GRIA4: variants seen among roughly 807,000 people sequenced by gnomAD.
The protein encoded by GRIA4 is glutamate ionotropic receptor AMPA type subunit 4, also known as glutamate receptor 4.
A neutral mutation model predicts 104.0 loss-of-function variants in GRIA4; 34 were observed. The observed-to-expected ratio is 0.33, with a 90% CI of 0.25 to 0.44. The LOEUF (loss-of-function observed/expected upper bound fraction) is 0.44. Ranked by LOEUF, GRIA4 falls within the 20% of genes least tolerant of loss-of-function variation. The pLI, the probability that GRIA4 is intolerant of heterozygous loss-of-function variation, is 1.00. For synonymous variants in GRIA4, 386 were observed against 381.9 expected (o/e 1.01, Z -0.13); for missense variants, 750 against 1,096.5 (o/e 0.68, Z 4.46).
intron 4 of GRIA4, among the ~76,000 whole-genome samples, chr11:105,831,509 C>T (rs918487434): frequency 2.0e-5 from 3 of 152,004 alleles, no homozygotes; most frequent in African/African-American, 7.2e-5. Flanking sequence ...ACACACAACA[C>T]TCATTTGTAT....
intron 4 of GRIA4, among the ~76,000 whole-genome samples, chr11:105,832,280 T>C (rs1944004249): frequency 6.6e-6 from 1 of 151,928 alleles, no homozygotes; most frequent in African/African-American, 2.4e-5. Context: ...CAAAGATGTC[T>C]GCTTAACACA....
At chr11:105,823,582 T>C (rs1943655455) in intron 4 of GRIA4, among the ~76,000 whole-genome samples, 1 of 152,090 alleles carries the variant, frequency 6.6e-6, no homozygotes, top group Admixed American at 6.6e-5. Context: ...GTTACTGCTA[T>C]CTTATCTGAA....
intron 3 of GRIA4, among the ~76,000 whole-genome samples, chr11:105,697,358 T>C (rs1377804298): frequency 2.6e-5 from 4 of 152,058 alleles, no homozygotes; most frequent in Non-Finnish European, 5.9e-5. Flanking sequence ...TGCCTACAAC[T>C]TTAGGACTCT....
intron 15 of GRIA4, among the ~76,000 whole-genome samples, chr11:105,973,615 T>C (rs1858813828): frequency 6.6e-6 from 1 of 152,098 alleles, no homozygotes; most frequent in Non-Finnish European, 1.5e-5. Flanking sequence ...TAATAATTTA[T>C]ATATTTTTTA....
intron 3 of GRIA4, among the ~76,000 whole-genome samples, chr11:105,631,334 A>G (rs765474918): frequency 2.0e-5 from 3 of 152,232 alleles, no homozygotes; most frequent in Non-Finnish European, 4.4e-5. Flanking sequence ...AGATAACAGA[A>G]GAAAGAAAAA....
intron 3 of GRIA4, among the ~76,000 whole-genome samples, chr11:105,622,532 C>T (rs913969296): frequency 1.3e-5 from 2 of 151,706 alleles, no homozygotes; most frequent in Admixed American, 1.3e-4. Flanking sequence ...TTCTGATAGT[C>T]TTGCTTCTTC....
At chr11:105,715,413 G>GT (rs1326652113) in intron 3 of GRIA4, among the ~76,000 whole-genome samples, 1 of 152,078 alleles carries the variant, frequency 6.6e-6, no homozygotes, top group African/African-American at 2.4e-5. Context: ...ATAAAATTAT[G>GT]TAACTGTCTA....
At chr11:105,677,250 C>T (rs1272741946) in intron 3 of GRIA4, among the ~76,000 whole-genome samples, 1 of 151,844 alleles carries the variant, frequency 6.6e-6, no homozygotes, top group Non-Finnish European at 1.5e-5. Flanking sequence ...ATCTCTCTGA[C>T]TCTGTTTTGC....
At chr11:105,696,130 A>C (rs989136395) in intron 3 of GRIA4, among the ~76,000 whole-genome samples, 3 of 152,154 alleles carry the variant, frequency 2.0e-5, no homozygotes, top group Non-Finnish European at 4.4e-5. Flanking sequence ...CACCCACCAT[A>C]TCTGCCCACC....
chr11:105,789,589 GTGCCCTGTGACCATGAGCAGCTC>G (rs1204779591), intron 4 of GRIA4, among the ~76,000 whole-genome samples: 1 of 152,040 alleles, frequency 6.6e-6, no homozygotes, highest in Non-Finnish European at 1.5e-5. Context: ...TTTAATTAAA[GTGCCCTGTGACCATGAGCAGCTC>G]TACCTCTTTA....
At chr11:105,935,682 T>A (rs1394111401) in intron 14 of GRIA4, among the ~76,000 whole-genome samples, 1 of 152,174 alleles carries the variant, frequency 6.6e-6, no homozygotes, top group Non-Finnish European at 1.5e-5. Flanking sequence ...TAATTAATTC[T>A]CTGTGGATAT....
chr11:105,753,423 C>T (rs1248548683), intron 4 of GRIA4, among the ~76,000 whole-genome samples: 1 of 152,116 alleles, frequency 6.6e-6, no homozygotes, highest in Non-Finnish European at 1.5e-5. Flanking sequence ...CCTGAGCAAA[C>T]CATGCTCTGT....
At chr11:105,905,694 T>C (rs550709554) in intron 9 of GRIA4, among the ~76,000 whole-genome samples, 5 of 152,278 alleles carry the variant, frequency 3.3e-5, no homozygotes, top group African/African-American at 1.2e-4. Flanking sequence ...CTACTTCTAA[T>C]GGGTGAACAT....
chr11:105,617,301 C>T (rs1422417664), intron 3 of GRIA4, among the ~76,000 whole-genome samples: 2 of 150,648 alleles, frequency 1.3e-5, no homozygotes, highest in East Asian at 3.9e-4. Flanking sequence ...TTTATTTAAC[C>T]TCAAGCTAAT....
intron 4 of GRIA4, among the ~76,000 whole-genome samples, chr11:105,777,303 T>A (rs1250663858): frequency 6.6e-6 from 1 of 152,134 alleles, no homozygotes; most frequent in Non-Finnish European, 1.5e-5. Context: ...TCCTTCAAAG[T>A]GGATGATTTT....
intron 11 of GRIA4, among the ~76,000 whole-genome samples, chr11:105,921,999 A>T (rs991913998): frequency 6.6e-6 from 1 of 152,164 alleles, no homozygotes; most frequent in Non-Finnish European, 1.5e-5. Context: ...AACAAAATTT[A>T]AAACCTATGT....
intron 10 of GRIA4, among the ~76,000 whole-genome samples, chr11:105,917,452 G>A (rs1237012913): frequency 1.3e-5 from 2 of 152,074 alleles, no homozygotes; most frequent in Non-Finnish European, 2.9e-5. Context: ...AATTAGTGTA[G>A]GTTGCCATGT....
chr11:105,663,951 T>A (rs1221064384), intron 3 of GRIA4, among the ~76,000 whole-genome samples: 1 of 151,524 alleles, frequency 6.6e-6, no homozygotes, highest in Non-Finnish European at 1.5e-5. Context: ...TGGAGATAGA[T>A]GCACTACATG....
chr11:105,703,906 T>C (rs1473022765), intron 3 of GRIA4, among the ~76,000 whole-genome samples: 1 of 152,066 alleles, frequency 6.6e-6, no homozygotes, highest in Non-Finnish European at 1.5e-5. Flanking sequence ...AGTTTCTTTG[T>C]TGAAAAGAAA....
Sources: allele counts gnomAD v4.1 joint callset (sites outside exome capture counted in the v4.1 genomes callset), GRCh38; gene constraint gnomAD v4.1.1; transcripts MANE v1.5; gene names NCBI Gene and HGNC (gene_info 2026-07-23, HGNC 2026-07-21).